ACBD3: variants seen among roughly 807,000 people sequenced by gnomAD.
ACBD3 encodes Golgi resident protein GCP60.
ACBD3 carries 30 observed loss-of-function variants against 66.9 expected under a neutral mutation model. That is an observed-to-expected ratio of 0.45 (90% CI 0.34 to 0.61). The LOEUF (loss-of-function observed/expected upper bound fraction) is 0.61, where lower values mean the gene tolerates loss of function less well. ACBD3 is among the 20% of genes least tolerant of loss of function. ACBD3 has a pLI of 0.02. For missense variants in ACBD3, 544 were observed against 664.5 expected, an observed-to-expected ratio of 0.82 and a Z score of 1.99; for synonymous variants, 278 against 259.8, an observed-to-expected ratio of 1.07 and a Z score of -0.68.
At chr1:226,181,694 T>C (rs1426919191) in intron 1 of ACBD3, among the ~76,000 whole-genome samples, 1 of 152,172 alleles carries the variant, frequency 6.6e-6, no homozygotes. Flanking sequence ...TCAATAACTA[T>C]TGACAATTAT....
At chr1:226,176,201 G>T (rs1020020188) in intron 1 of ACBD3, among the ~76,000 whole-genome samples, 1 of 152,192 alleles carries the variant, frequency 6.6e-6, no homozygotes, top group South Asian at 2.1e-4. Context: ...GCCGAGGCGG[G>T]TGGATCATGA....
intron 1 of ACBD3, among the ~76,000 whole-genome samples, chr1:226,170,544 T>C (rs1659974001): frequency 2.0e-5 from 3 of 152,120 alleles, no homozygotes; most frequent in South Asian, 2.1e-4. Context: ...TAAAATCACA[T>C]GGAAACTATT....
At chr1:226,155,342 G>A (rs1193894508) in intron 5 of ACBD3, among the ~76,000 whole-genome samples, 5 of 151,558 alleles carry the variant, frequency 3.3e-5, no homozygotes, top group East Asian at 1.9e-4. Flanking sequence ...GCTTGAACTC[G>A]GGAGGCGGAG....
intron 1 of ACBD3, among the ~76,000 whole-genome samples, chr1:226,171,894 G>A (rs983164042): frequency 1.3e-5 from 2 of 151,844 alleles, no homozygotes; most frequent in African/African-American, 2.4e-5. Flanking sequence ...GGTGGCTCAT[G>A]CCTGTAATCC....
At chr1:226,181,107 T>C (rs145308093) in intron 1 of ACBD3, among the ~76,000 whole-genome samples, 27 of 152,242 alleles carry the variant, frequency 1.8e-4, no homozygotes, top group African/African-American at 6.3e-4. Context: ...GTGGCTATAA[T>C]TGTTTTTCTG....
rs2102776753 is a variant in ACBD3, at chr1:226,154,768, C to G, written c.969G>C (p.Val323=). The part of the protein sequence containing the change: ...AGSSLPTSSK[V]NATVPSNMMS... Reference sequence around the variant, plus strand: ...TCATATTACTTGGTACAGTTGCATTCACTTTTGATGATGTAGGCAAGGAAG... The same window carrying G: ...TCATATTACTTGGTACAGTTGCATTGACTTTTGATGATGTAGGCAAGGAAG... Residue 323 remains valine (V), a synonymous_variant, in exon 6 of 8, where the codon GTG becomes GTC. Coordinates refer to ENST00000366812, the MANE Select transcript of ACBD3 (RefSeq NM_022735.4). 2 of 1,613,542 alleles carry G rather than the reference C, an allele frequency of 1.2e-6. No individual in the cohort carries two copies. Among genetic ancestry groups the G allele is most frequent in the Non-Finnish European group, 1.7e-6 (2 of 1,179,710 alleles).
chr1:226,161,162 C>T lies in ACBD3; in HGVS notation c.728+369G>A, dbSNP rs1290953589. ...AATACATTCCTTTTTTTTTTTGAGA[C>T]GGAGTTTCACTCATTACCCAGGCTG... On this transcript the variant is annotated intron_variant, in intron 4 of 7. Coordinates refer to ENST00000366812, the MANE Select transcript of ACBD3 (RefSeq NM_022735.4). Among the ~76,000 whole-genome samples the T allele has an allele frequency of 3.2e-4, 9 of 28,138 alleles. No homozygotes were observed. In the East Asian group the frequency reaches 3.7e-3, roughly 12 times the overall value. The allele number at this position is 28,138 out of a possible 152,430, so 18.5% of individuals were successfully genotyped here. A position where few individuals can be genotyped will look rare whatever the true frequency, so the allele number is the denominator to read the frequency against.
At chr1:226,149,226 T>A (rs1283636623) in intron 7 of ACBD3, among the ~76,000 whole-genome samples, 1 of 149,230 alleles carries the variant, frequency 6.7e-6, no homozygotes, top group Non-Finnish European at 1.5e-5. Context: ...ACAAAGCTCT[T>A]TCATTTTTTT....
At chr1:226,186,041 T>A (rs888997066) in intron 1 of ACBD3, among the ~76,000 whole-genome samples, 1 of 152,098 alleles carries the variant, frequency 6.6e-6, no homozygotes, top group Non-Finnish European at 1.5e-5. Context: ...AAAATAATAA[T>A]AATAAAAGGC....
At chr1:226,169,006 G>A (rs534481588) in intron 1 of ACBD3, among the ~76,000 whole-genome samples, 1 of 152,002 alleles carries the variant, frequency 6.6e-6, no homozygotes, top group Non-Finnish European at 1.5e-5. Context: ...AGGACTACAG[G>A]TGTGCGCCAC....
intron 2 of ACBD3, 147 bp from the exon 3 acceptor site, chr1:226,165,076 A>T: frequency 1.2e-6 from 1 of 809,518 alleles, no homozygotes; most frequent in South Asian, 3.1e-5. Context: ...AGTTTTAACA[A>T]GTATGTATTG....
intron 1 of ACBD3, among the ~76,000 whole-genome samples, chr1:226,181,255 AC>A (rs1178105820): frequency 6.6e-6 from 1 of 152,220 alleles, no homozygotes; most frequent in Non-Finnish European, 1.5e-5. Context: ...CTGAGGATAG[AC>A]CACTGAAGTC....
chr1:226,168,091 T>C (rs372035860), intron 1 of ACBD3, among the ~76,000 whole-genome samples: 4 of 152,178 alleles, frequency 2.6e-5, no homozygotes, highest in African/African-American at 7.2e-5. Context: ...ATATATTATG[T>C]TTTTCCTAAA....
chr1:226,183,927 C>A (rs1656233862), intron 1 of ACBD3, among the ~76,000 whole-genome samples: 1 of 150,252 alleles, frequency 6.7e-6, no homozygotes, highest in South Asian at 2.1e-4. Context: ...CACAGTGGCT[C>A]ACACCTGTAA....
At chr1:226,180,761 G>A (rs1656152160) in intron 1 of ACBD3, among the ~76,000 whole-genome samples, 1 of 152,158 alleles carries the variant, frequency 6.6e-6, no homozygotes, top group African/African-American at 2.4e-5. Context: ...CACTTTGGGA[G>A]GCCAAGGCAG....
rs1170130229 is a variant in ACBD3, at chr1:226,149,529, C to CTTTTTT, written c.1376-2714_1376-2709dup. The stretch of plus-strand genomic sequence containing the variant: ...GGTGTCAGCCACTGCGCCCAGCCAT[C>CTTTTTT]TTTTTTTTTTTTTTTTTTTTTTTTT... On this transcript the variant is annotated intron_variant, in intron 7 of 7. Transcript: ENST00000366812. 9.2e-3 allele frequency among the ~76,000 whole-genome samples: 271 copies of CTTTTTT among 29,608 alleles called. 92 individuals are homozygous for CTTTTTT. The highest frequency in any genetic ancestry group is 0.011 in the Admixed American group (20 of 1,832). The allele number at this position is 29,608 out of a possible 152,430, so 19.4% of individuals were successfully genotyped here.
At chr1:226,173,995 A>G (rs1036919366) in intron 1 of ACBD3, among the ~76,000 whole-genome samples, 1 of 151,664 alleles carries the variant, frequency 6.6e-6, no homozygotes, top group African/African-American at 2.4e-5. Context: ...AACTCCTGAC[A>G]TCAGGTAATC....
intron 1 of ACBD3, among the ~76,000 whole-genome samples, chr1:226,174,356 TG>T (rs1655970028): frequency 6.6e-6 from 1 of 152,144 alleles, no homozygotes; most frequent in Non-Finnish European, 1.5e-5. Flanking sequence ...AAATTCTGCT[TG>T]GAAAAGAAAA....
At chr1:226,147,937 TTTTGTTTG>T (rs566602272) in intron 7 of ACBD3, 3 of 152,156 alleles carry the variant, frequency 2.0e-5, no homozygotes, top group African/African-American at 7.2e-5. Flanking sequence ...TGGTTGTTGT[TTTTGTTTG>T]TTTGTTTGTT....
Sources: allele counts gnomAD v4.1 joint callset (sites outside exome capture counted in the v4.1 genomes callset), GRCh38; gene constraint gnomAD v4.1.1; transcripts MANE v1.5; gene names NCBI Gene and HGNC (gene_info 2026-07-23, HGNC 2026-07-21).